LIMK2: variants seen among roughly 807,000 people sequenced by gnomAD.
LIMK2 encodes LIM domain kinase 2.
In LIMK2, 35 loss-of-function variants were observed where a neutral mutation model predicts 75.7. That is an observed-to-expected ratio of 0.46 (90% CI 0.35 to 0.61). The LOEUF (loss-of-function observed/expected upper bound fraction) is 0.61. LIMK2 is among the 20% of genes least tolerant of loss of function. LIMK2 has a pLI of 0.00. For synonymous variants in LIMK2, 301 were observed against 319.2 expected (o/e 0.94, Z 0.61); for missense variants, 623 against 831.0 (o/e 0.75, Z 3.08).
chr22:31,277,669 C>A, intron 15 of LIMK2: 1 of 519,774 alleles, frequency 1.9e-6, no homozygotes, highest in Non-Finnish European at 2.5e-6. Context: ...AGGTACAGTT[C>A]TAAACACTTG....
chr22:31,259,985 C>G lies in LIMK2; in HGVS notation c.459C>G (p.Ile153Met), dbSNP rs747938973. 6.2e-7 allele frequency: 1 copy of G among 1,611,906 alleles called. No homozygotes were observed. Among genetic ancestry groups the G allele is most frequent in the Non-Finnish European group, 8.5e-7 (1 of 1,179,562 alleles). ...QEQLPYSVTL[I>M]SMPATTEGRR... is the part of the protein sequence containing the mutation. The stretch of plus-strand genomic sequence containing the variant: ...AGCTGCCCTACTCTGTCACGCTCAT[C>G]TCCATGCCGGCCACCACTGAAGGCA... The change falls in exon 5 of 16, where the codon ATC (isoleucine) becomes ATG (methionine). Residue 153 changes from isoleucine (I) to methionine (M), a missense_variant. Physicochemically the swap from Ile to Met is conservative, Grantham distance 10. Transcript: ENST00000331728.
intron 1 of LIMK2, among the ~76,000 whole-genome samples, chr22:31,212,796 G>A (rs1162384991): frequency 6.6e-6 from 1 of 152,098 alleles, no homozygotes; most frequent in African/African-American, 2.4e-5. Flanking sequence ...TGAAAAGCAT[G>A]GGGTTCTCTT....
At chr22:31,238,498 G>A (rs1382985734) in intron 2 of LIMK2, among the ~76,000 whole-genome samples, 2 of 152,118 alleles carry the variant, frequency 1.3e-5, no homozygotes, top group African/African-American at 2.4e-5. Context: ...TAAATGGTTA[G>A]GTCAGAACCA....
chr22:31,278,461 A>AG lies in LIMK2; in HGVS notation c.*26dup. 1 of 1,586,576 alleles carries AG rather than the reference A, an allele frequency of 6.3e-7. No individual in the cohort carries two copies. The highest frequency in any genetic ancestry group is 1.1e-5 in the South Asian group (1 of 87,962). ...CCCTAGCCCTGGCCCAGCCCCCTGC[A>AG]GGGGGGTGTTCTACAGCCAGCATTG... is the stretch of plus-strand genomic sequence containing the variant. On this transcript the variant is annotated 3_prime_UTR_variant, in exon 16 of 16. Coordinates refer to ENST00000331728, the MANE Select transcript of LIMK2 (RefSeq NM_005569.4).
At chr22:31,261,589 A>G (rs1313358169) in intron 5 of LIMK2, among the ~76,000 whole-genome samples, 1 of 151,128 alleles carries the variant, frequency 6.6e-6, no homozygotes, top group Non-Finnish European at 1.5e-5. Flanking sequence ...AACATGGCAA[A>G]ACCCCATCTC....
chr22:31,234,910 G>T (rs5997921), intron 2 of LIMK2, among the ~76,000 whole-genome samples: 43,673 of 151,546 alleles, frequency 0.29, 8,876 homozygotes, highest in African/African-American at 0.56. Flanking sequence ...CCCTTACTCT[G>T]TTCACTTAAC....
Position 31,262,347 on chromosome 22 carries a change from C to A in LIMK2, c.657+108C>A. The A allele has an allele frequency of 1.0e-6, 1 of 961,064 alleles. No individual in the cohort carries two copies. The highest frequency in any genetic ancestry group is 1.6e-6 in the Non-Finnish European group (1 of 608,212). The allele number at this position is 961,064 out of a possible 1,614,324, so 59.5% of individuals were successfully genotyped here. On this transcript the variant is annotated intron_variant, in intron 6 of 15. Coordinates refer to ENST00000331728, the MANE Select transcript of LIMK2 (RefSeq NM_005569.4). The surrounding 1 kb of genome is among the most constrained non-coding windows in gnomAD (Gnocchi z 5.0). The stretch of plus-strand genomic sequence containing the variant: ...TCCTACCCCCAGCCCATCTCTTTGT[C>A]TTAGCATTGAGCCTGTGACCACTGG...
At chr22:31,278,102 T>C (rs918419304) in intron 15 of LIMK2, among the ~76,000 whole-genome samples, 195 bp from the exon 16 acceptor site, 2 of 152,200 alleles carry the variant, frequency 1.3e-5, no homozygotes, top group South Asian at 2.1e-4. Context: ...AGCCTTGTTA[T>C]AGTGTTACCT....
In LIMK2 at chr22:31,266,102, G is replaced by C. The variant is rs761372848; in HGVS notation, c.1011G>C (p.Leu337=). 27 of 1,614,092 alleles carry C rather than the reference G, an allele frequency of 1.7e-5. No individual in the cohort carries two copies. Among genetic ancestry groups the C allele is most frequent in the Middle Eastern group, 3.3e-4 (2 of 6,084 alleles). The change falls in exon 8 of 16, where the codon CTG becomes CTC. Residue 337 remains leucine, a synonymous_variant. Coordinates refer to ENST00000331728, the MANE Select transcript of LIMK2 (RefSeq NM_005569.4). ...RPCDLIHGEV[L]GKGFFGQAIK... is the part of the protein sequence containing the mutation. ...GTGACCTAATCCATGGGGAGGTCCT[G>C]GGGAAGGGCTTCTTTGGGCAGGCTA...
chr22:31,262,252 T>C lies in LIMK2; in HGVS notation c.657+13T>C, dbSNP rs200700695. On this transcript the variant is annotated intron_variant, in intron 6 of 15. Coordinates refer to ENST00000331728, the MANE Select transcript of LIMK2 (RefSeq NM_005569.4). This position sits in a 1 kb window ranked among gnomAD's most constrained non-coding sequence, Gnocchi z 5.0. ...TCGAGTGGAGGAGGTAGAGTGTGTG[T>C]CTAATCTGTCTTGTGAGGGTGGGAC... 7.6e-6 allele frequency: 12 copies of C among 1,578,496 alleles called. No individual in the cohort carries two copies. Among genetic ancestry groups the C allele is most frequent in the African/African-American group, 1.3e-5 (1 of 74,310 alleles).
At position 31,262,782 on chromosome 22, in the gene LIMK2, G is replaced by A. The variant is rs544622991; in HGVS notation, c.845G>A (p.Arg282His). 47 of 1,601,336 alleles carry A rather than the reference G, an allele frequency of 2.9e-5. No individual in the cohort carries two copies. The highest frequency in any genetic ancestry group is 9.4e-5 in the African/African-American group (7 of 74,664). ...KENLEGTLRR[R>H]SLRRSNSISK... Reference sequence around the variant, plus strand: ...AATCTGGAGGGGACACTGAGGAGACGTTCCCTAAGGTGCCACCTCCCACCC... The same window carrying A: ...AATCTGGAGGGGACACTGAGGAGACATTCCCTAAGGTGCCACCTCCCACCC... The change falls in exon 7 of 16, where the codon CGT becomes CAT. Residue 282 changes from arginine to histidine, a missense_variant. Arg to His is a conservative substitution (Grantham distance 29, BLOSUM62 0). Around this residue, in one of 3 missense-constraint regions of LIMK2, gnomAD observed 514 missense variants for 661.3 expected, o/e 0.78. Coordinates refer to ENST00000331728, the MANE Select transcript of LIMK2 (RefSeq NM_005569.4). The surrounding 1 kb of genome is among the most constrained non-coding windows in gnomAD (Gnocchi z 5.0).
chr22:31,253,999 A>T (rs1338537244), intron 2 of LIMK2, among the ~76,000 whole-genome samples: 6 of 152,200 alleles, frequency 3.9e-5, no homozygotes. Context: ...TCAGCTGTTC[A>T]CCTTCCAGTT....
chr22:31,259,608 T>G (rs1470407635), intron 4 of LIMK2, among the ~76,000 whole-genome samples: 1 of 152,124 alleles, frequency 6.6e-6, no homozygotes, highest in African/African-American at 2.4e-5. Context: ...GTTCTCATTG[T>G]GAGTCAAAGG....
chr22:31,257,607 CT>C (rs1158076281), intron 2 of LIMK2, among the ~76,000 whole-genome samples: 3 of 151,994 alleles, frequency 2.0e-5, no homozygotes, highest in African/African-American at 7.3e-5. Context: ...TGGCTGTTTC[CT>C]TTTTTAATCT....
At chr22:31,267,304 C>A (rs1038831028) in intron 9 of LIMK2, among the ~76,000 whole-genome samples, 1 of 152,180 alleles carries the variant, frequency 6.6e-6, no homozygotes, top group Non-Finnish European at 1.5e-5. Flanking sequence ...ACAAAAGATA[C>A]AGGGTTCAGA....
intron 2 of LIMK2, among the ~76,000 whole-genome samples, chr22:31,246,213 A>ACACACACACACACACACACACACG (rs2048668956): frequency 1.4e-5 from 2 of 146,924 alleles, no homozygotes; most frequent in Non-Finnish European, 3.0e-5. Context: ...ACACACACAC[A>ACACACACACACACACACACACACG]CACGCTGGGT....
At chr22:31,212,469 T>A in intron 1 of LIMK2, 45 bp downstream of exon 1, 1 of 1,314,750 alleles carries the variant, frequency 7.6e-7, no homozygotes. Flanking sequence ...ATCTCCGAAG[T>A]CCGGTTCCAT....
intron 9 of LIMK2, 140 bp from the exon 10 acceptor site, chr22:31,267,636 C>G (rs2048909282): frequency 2.2e-6 from 2 of 895,240 alleles, no homozygotes; most frequent in East Asian, 5.2e-5. Flanking sequence ...TCATCCTGAT[C>G]TTAGTGCCCT....
chr22:31,217,275 G>A (rs2048396077), intron 1 of LIMK2, among the ~76,000 whole-genome samples: 1 of 152,032 alleles, frequency 6.6e-6, no homozygotes, highest in African/African-American at 2.4e-5. Context: ...GCAGGTGCCT[G>A]TAATCCCAGC....
Sources: allele counts gnomAD v4.1 joint callset (sites outside exome capture counted in the v4.1 genomes callset), GRCh38; gene constraint gnomAD v4.1.1; regional missense constraint gnomAD v4.1.1; non-coding constraint Gnocchi (gnomAD v3.1); transcripts MANE v1.5; gene names NCBI Gene and HGNC (gene_info 2026-07-23, HGNC 2026-07-21).